DLC1: variants seen among roughly 807,000 people sequenced by gnomAD.
DLC1 encodes rho GTPase-activating protein 7.
DLC1 carries 54 observed loss-of-function variants against 140.3 expected under a neutral mutation model. The ratio of observed to expected loss-of-function variants is 0.38; its 90% confidence interval spans 0.31 to 0.48. DLC1 has a LOEUF of 0.48. Ranked by LOEUF, DLC1 falls within the 20% of genes least tolerant of loss-of-function variation. The pLI is 0.96. For synonymous variants in DLC1, 986 were observed against 728.1 expected, an observed-to-expected ratio of 1.35 and a Z score of -5.70; for missense variants, 2,536 against 1,907.0, an observed-to-expected ratio of 1.33 and a Z score of -6.14.
chr8:13,466,557 C>T (rs1270078339), intron 2 of DLC1, among the ~76,000 whole-genome samples: 1 of 152,174 alleles, frequency 6.6e-6, no homozygotes, highest in Non-Finnish European at 1.5e-5. Flanking sequence ...AGGTCAGATA[C>T]TTAGATACTA....
chr8:13,329,918 G>C (rs73562589), intron 4 of DLC1, among the ~76,000 whole-genome samples: 1,714 of 152,192 alleles, frequency 0.011, 34 homozygotes, highest in African/African-American at 0.039. Flanking sequence ...ATTTGTTGTA[G>C]AGTTTGAGAA....
intron 5 of DLC1, among the ~76,000 whole-genome samples, chr8:13,136,242 C>T (rs1822552449): frequency 6.6e-6 from 1 of 152,162 alleles, no homozygotes; most frequent in Non-Finnish European, 1.5e-5. Context: ...AGATACATTG[C>T]ATGATGCTGA....
chr8:13,337,736 T>A (rs1422773347), intron 4 of DLC1, among the ~76,000 whole-genome samples: 1 of 152,164 alleles, frequency 6.6e-6, no homozygotes, highest in African/African-American at 2.4e-5. Context: ...TTTGGTACAA[T>A]AAAGCTGGAA....
intron 5 of DLC1, among the ~76,000 whole-genome samples, chr8:13,287,355 G>C (rs1300691192): frequency 6.6e-5 from 10 of 151,878 alleles, no homozygotes; most frequent in Non-Finnish European, 1.3e-4. Flanking sequence ...AAAAATCTTT[G>C]GCTTCTATTT....
At chr8:13,441,551 C>G (rs555743664) in intron 2 of DLC1, among the ~76,000 whole-genome samples, 25 of 152,212 alleles carry the variant, frequency 1.6e-4, no homozygotes, top group African/African-American at 6.0e-4. Flanking sequence ...CACAAGCATT[C>G]TTATACACCA....
At chr8:13,190,267 G>T (rs1358881823) in intron 5 of DLC1, among the ~76,000 whole-genome samples, 1 of 152,110 alleles carries the variant, frequency 6.6e-6, no homozygotes, top group Non-Finnish European at 1.5e-5. Context: ...AGTGGCTGTG[G>T]CTACCCTCTT....
At chr8:13,201,141 A>C (rs1827357975) in intron 5 of DLC1, among the ~76,000 whole-genome samples, 1 of 151,994 alleles carries the variant, frequency 6.6e-6, no homozygotes. Flanking sequence ...AAACAAGGAA[A>C]AAAAAAAAGC....
At chr8:13,558,315 G>A (rs1490940231) in intron 1 of DLC1, 2 of 152,126 alleles carry the variant, frequency 1.3e-5, no homozygotes, top group African/African-American at 4.8e-5. Context: ...CTTGGAGAAG[G>A]GATTGAAGAG....
chr8:13,239,043 C>G (rs1409314262), intron 5 of DLC1, among the ~76,000 whole-genome samples: 1 of 152,118 alleles, frequency 6.6e-6, no homozygotes, highest in Non-Finnish European at 1.5e-5. Flanking sequence ...TCTGAATATA[C>G]AATCACTTGG....
At chr8:13,409,195 C>G (rs1049107907) in intron 2 of DLC1, among the ~76,000 whole-genome samples, 3 of 151,962 alleles carry the variant, frequency 2.0e-5, no homozygotes, top group African/African-American at 7.2e-5. Context: ...TATTTTATAG[C>G]TGCATTTTAA....
chr8:13,578,006 A>C (rs1390954225), intron 1 of DLC1, among the ~76,000 whole-genome samples: 2 of 144,128 alleles, frequency 1.4e-5, no homozygotes, highest in Non-Finnish European at 3.0e-5. Flanking sequence ...GGTTCTATAG[A>C]AATAAAAAAA....
At chr8:13,197,239 T>G (rs565655297) in intron 5 of DLC1, among the ~76,000 whole-genome samples, 5 of 152,248 alleles carry the variant, frequency 3.3e-5, no homozygotes, top group Admixed American at 1.3e-4. Flanking sequence ...TGCTCTTGGC[T>G]AGAATTATAT....
intron 2 of DLC1, among the ~76,000 whole-genome samples, chr8:13,497,272 C>T (rs1801560119): frequency 6.6e-6 from 1 of 152,116 alleles, no homozygotes; most frequent in Non-Finnish European, 1.5e-5. Flanking sequence ...TAACACTCAT[C>T]CAATAATGCA....
At chr8:13,213,744 T>G (rs1408372811) in intron 5 of DLC1, among the ~76,000 whole-genome samples, 1 of 152,078 alleles carries the variant, frequency 6.6e-6, no homozygotes, top group Non-Finnish European at 1.5e-5. Flanking sequence ...GAGAATTTGG[T>G]AACTTGATGC....
rs778738896 is a variant in DLC1, at chr8:13,499,455, G to A, written c.617C>T (p.Pro206Leu). The A allele has an allele frequency of 8.7e-6, 14 of 1,613,832 alleles. No individual in the cohort carries two copies. The highest frequency in any genetic ancestry group is 1.7e-5 in the Admixed American group (1 of 59,950). ...CAAAGTATCCACTGCATTTACTTTGGGTGCATCTTTTATTTCACTTAAGCT... is the reference window on the plus strand; with the variant it reads ...CAAAGTATCCACTGCATTTACTTTGAGTGCATCTTTTATTTCACTTAAGCT... ...EISLSEIKDA[P>L]KVNAVDTLNV... Residue 206 changes from proline (P) to leucine (L), a missense_variant, in exon 2 of 18, where the codon CCC becomes CTC. Pro to Leu is a moderately conservative substitution (Grantham distance 98, BLOSUM62 -3). Coordinates refer to ENST00000276297, the MANE Select transcript of DLC1 (RefSeq NM_182643.3).
chr8:13,453,286 C>T (rs947627835), intron 2 of DLC1, among the ~76,000 whole-genome samples: 3 of 144,268 alleles, frequency 2.1e-5, no homozygotes, highest in East Asian at 2.0e-4. Flanking sequence ...ATTAATAAAG[C>T]GGCAAGTCAT....
intron 1 of DLC1, among the ~76,000 whole-genome samples, chr8:13,590,847 T>C (rs910113419): frequency 6.6e-6 from 1 of 152,132 alleles, no homozygotes; most frequent in Non-Finnish European, 1.5e-5. Context: ...AAATGCTTCA[T>C]TTACAACTTA....
chr8:13,567,184 G>A (rs1054380187), intron 1 of DLC1: 20 of 1,551,768 alleles, frequency 1.3e-5, no homozygotes, highest in Non-Finnish European at 1.7e-5. Context: ...TCCAAGCTTG[G>A]AACAAGGAGA....
intron 2 of DLC1, among the ~76,000 whole-genome samples, chr8:13,406,394 C>G (rs924986069): frequency 6.6e-6 from 1 of 151,954 alleles, no homozygotes; most frequent in African/African-American, 2.4e-5. Context: ...TACACTGTTT[C>G]AGAGGAAGCA....
Sources: gnomAD v4.1 joint callset for allele counts (sites outside exome capture counted in the v4.1 genomes callset) on GRCh38, gnomAD v4.1.1 for gene constraint, MANE v1.5 for transcripts, NCBI Gene and HGNC (gene_info 2026-07-23, HGNC 2026-07-21) for gene names.